Variants in TMEM278 observed in about 807,000 individuals in gnomAD.
TMEM278 encodes transmembrane protein 278.
chr1:1,429,702 C>T, the TMEM278 span, among the ~76,000 whole-genome samples: 1 of 152,188 alleles, frequency 6.6e-6, no homozygotes, highest in Non-Finnish European at 1.5e-5. Flanking sequence ...CCACCCTCGG[C>T]CCCCTCAGTG....
the TMEM278 span, chr1:1,427,920 A>ACCCCGGCCT: frequency 6.3e-5 from 46 of 731,612 alleles, no homozygotes; most frequent in South Asian, 1.5e-3. Context: ...CCGGCTTACG[A>ACCCCGGCCT]CCCCGGCCTC....
the TMEM278 span, chr1:1,427,736 C>T: frequency 7.7e-7 from 1 of 1,305,452 alleles, no homozygotes; most frequent in African/African-American, 1.6e-5. Context: ...CCGGACCCCG[C>T]CGCCCCCCGG....
At chr1:1,428,339 G>A in the TMEM278 span, among the ~76,000 whole-genome samples, 1 of 151,932 alleles carries the variant, frequency 6.6e-6, no homozygotes, top group Non-Finnish European at 1.5e-5. Flanking sequence ...ACCCACGCTC[G>A]GCCAAGCCCA....
chr1:1,429,948 C>T, the TMEM278 span, among the ~76,000 whole-genome samples: 1 of 152,260 alleles, frequency 6.6e-6, no homozygotes, highest in Non-Finnish European at 1.5e-5. Flanking sequence ...GCAGCCTCGC[C>T]CTCCCAGGCT....
chr1:1,427,183 G>A, the TMEM278 span, among the ~76,000 whole-genome samples: 2 of 115,988 alleles, frequency 1.7e-5, no homozygotes, highest in Non-Finnish European at 3.5e-5. Context: ...GCACCCCTCC[G>A]TCTCCCTTTG....
At chr1:1,427,667 C>T in the TMEM278 span, 1 of 1,337,520 alleles carries the variant, frequency 7.5e-7, no homozygotes, top group Non-Finnish European at 9.6e-7. Flanking sequence ...TCGCCTCGGC[C>T]GTCCGCGCCC....
the TMEM278 span, chr1:1,427,833 C>G: frequency 7.4e-7 from 1 of 1,350,970 alleles, no homozygotes; most frequent in Non-Finnish European, 9.5e-7. Context: ...AGCTCGCGCG[C>G]GACCCCATCG....
chr1:1,427,609 C>G, the TMEM278 span: 8 of 1,312,750 alleles, frequency 6.1e-6, no homozygotes, highest in Non-Finnish European at 7.7e-6. Context: ...CGCGGCTCCG[C>G]GGCGCTCATC....
At chr1:1,428,459 C>T in the TMEM278 span, among the ~76,000 whole-genome samples, 1 of 152,124 alleles carries the variant, frequency 6.6e-6, no homozygotes, top group Non-Finnish European at 1.5e-5. Context: ...CTAAGATCTC[C>T]TCACTGACTT....
the TMEM278 span, among the ~76,000 whole-genome samples, chr1:1,426,844 G>A: frequency 6.6e-6 from 1 of 152,020 alleles, no homozygotes; most frequent in Non-Finnish European, 1.5e-5. Flanking sequence ...CTGGCACGGG[G>A]GCTGGCGCCA....
chr1:1,427,696 G>T, the TMEM278 span: 2 of 1,324,562 alleles, frequency 1.5e-6, no homozygotes, highest in Admixed American at 3.3e-5. Flanking sequence ...CGGCGCCTCC[G>T]CCCGCTGCTG....
the TMEM278 span, among the ~76,000 whole-genome samples, chr1:1,429,448 A>G: frequency 3.3e-5 from 5 of 151,972 alleles, no homozygotes; most frequent in Non-Finnish European, 1.5e-5. Context: ...TGCTTTTTAG[A>G]TTACAGTTTC....
chr1:1,426,821 G>A, the TMEM278 span, among the ~76,000 whole-genome samples: 28 of 152,138 alleles, frequency 1.8e-4, no homozygotes, highest in Non-Finnish European at 3.1e-4. Context: ...TCTGGGCCCC[G>A]GGCCCCTTTC....
chr1:1,426,272 G>C, the TMEM278 span: 29 of 1,491,876 alleles, frequency 1.9e-5, no homozygotes, highest in African/African-American at 4.3e-5. Context: ...GCTGCTGCCC[G>C]GCCGGCTGCT....
At chr1:1,426,307 G>C in the TMEM278 span, 1 of 1,488,772 alleles carries the variant, frequency 6.7e-7, no homozygotes, top group African/African-American at 1.5e-5. Context: ...TGCACCTCCT[G>C]CTGCCCGCCG....
chr1:1,428,467 CTT>C, the TMEM278 span, among the ~76,000 whole-genome samples: 1 of 152,160 alleles, frequency 6.6e-6, no homozygotes, highest in African/African-American at 2.4e-5. Context: ...TCCTCACTGA[CTT>C]TGGTGTTCCT....
the TMEM278 span, among the ~76,000 whole-genome samples, chr1:1,429,114 A>G: frequency 2.6e-5 from 4 of 152,134 alleles, no homozygotes; most frequent in Non-Finnish European, 4.4e-5. Context: ...GATTGCAGTG[A>G]GCCGAAATCA....
At chr1:1,427,605 T>A in the TMEM278 span, 3 of 1,239,792 alleles carry the variant, frequency 2.4e-6, no homozygotes, top group Non-Finnish European at 3.0e-6. Flanking sequence ...AGACCGCGGC[T>A]CCGCGGCGCT....
the TMEM278 span, chr1:1,426,150 C>T: frequency 0.044 from 62,179 of 1,407,958 alleles, 1,703 homozygotes; most frequent in Middle Eastern, 0.081. Context: ...GGGAGGGAGA[C>T]GGAGGAGGAG....
Sources: gnomAD v4.1 joint callset for allele counts (sites outside exome capture counted in the v4.1 genomes callset) on GRCh38, gnomAD v4.1.1 for gene constraint, MANE v1.5 for transcripts, NCBI Gene and HGNC (gene_info 2026-07-23, HGNC 2026-07-21) for gene names.